The following GRAMD1C variants were observed in gnomAD, a reference collection of about 807,000 sequenced individuals.
GRAMD1C encodes the protein GRAM domain containing 1C.
GRAMD1C carries 89 observed loss-of-function variants against 97.8 expected under a neutral mutation model. The observed-to-expected ratio is 0.91, with a 90% CI of 0.77 to 1.09. The LOEUF (loss-of-function observed/expected upper bound fraction) is 1.09, where lower values mean the gene tolerates loss of function less well. Ranked by LOEUF, GRAMD1C falls within the 50% of genes least tolerant of loss-of-function variation. The pLI is 0.00. For synonymous variants in GRAMD1C, 256 were observed against 267.0 expected (o/e 0.96, Z 0.40); for missense variants, 740 against 766.4 (o/e 0.97, Z 0.41).
Position 113,895,361 on chromosome 3 carries a change from T to A in GRAMD1C, c.541-5670T>A, listed in dbSNP as rs979262437. Reference sequence around the variant, plus strand: ...TATCAGCTCGTGAGTGTGGCTTATATAAGTTGGCCTCCCTGAGCCAACTCT... The same window carrying A: ...TATCAGCTCGTGAGTGTGGCTTATAAAAGTTGGCCTCCCTGAGCCAACTCT... On this transcript the variant is annotated intron_variant, in intron 6 of 17. Coordinates refer to ENST00000358160, the MANE Select transcript of GRAMD1C (RefSeq NM_017577.5). Among the ~76,000 whole-genome samples, 2 of 152,176 alleles carry A rather than the reference T, an allele frequency of 1.3e-5. 1 individual carries two copies. The highest frequency in any genetic ancestry group is 2.9e-5 in the Non-Finnish European group (2 of 68,020).
At chr3:113,861,165 C>G (rs910003216) in intron 2 of GRAMD1C, among the ~76,000 whole-genome samples, 1 of 152,058 alleles carries the variant, frequency 6.6e-6, no homozygotes, top group Non-Finnish European at 1.5e-5. Context: ...TGGACCCTTA[C>G]TTCACACCAT....
chr3:113,875,562 G>A lies in GRAMD1C; in HGVS notation c.338G>A (p.Ser113Asn). 5 of 1,497,282 alleles carry A rather than the reference G, an allele frequency of 3.3e-6. No homozygotes were observed. The highest frequency in any genetic ancestry group is 4.7e-6 in the Non-Finnish European group (5 of 1,072,614). 92.7% of individuals were successfully genotyped at this position (1,497,282 alleles called of 1,614,324 possible). A position where few individuals can be genotyped will look rare whatever the true frequency, so the allele number is the denominator to read the frequency against. ...TCAGAAAACTGGCTATGTTTCTATA[G>A]CAACATCTTCAGATGGGAAACTACA... ...YLSENWLCFYSNIFRWETTIS... is the reference protein window; with the variant it reads ...YLSENWLCFYNNIFRWETTIS... The change falls in exon 4 of 18, where the codon AGC becomes AAC. Residue 113 changes from serine (S) to asparagine (N), a missense_variant. Ser to Asn is a conservative substitution (Grantham distance 46). Coordinates refer to ENST00000358160, the MANE Select transcript of GRAMD1C (RefSeq NM_017577.5).
At chr3:113,841,430 C>T (rs536444694) in intron 1 of GRAMD1C, among the ~76,000 whole-genome samples, 2 of 150,948 alleles carry the variant, frequency 1.3e-5, no homozygotes, top group East Asian at 2.0e-4. Flanking sequence ...GGATTACAGG[C>T]ACGTACCACC....
intron 6 of GRAMD1C, among the ~76,000 whole-genome samples, chr3:113,884,209 C>T (rs1935365470): frequency 1.3e-5 from 2 of 151,992 alleles, no homozygotes; most frequent in South Asian, 4.2e-4. Context: ...TATGCTAGGT[C>T]AAAAAACAGG....
Position 113,856,602 on chromosome 3 carries a change from C to T in GRAMD1C, c.174+11953C>T, listed in dbSNP as rs185332235. 2.4e-3 allele frequency among the ~76,000 whole-genome samples: 362 copies of T among 152,296 alleles called. 1 individual carries two copies. In the Middle Eastern group the frequency reaches 0.031, roughly 13 times the overall value. On this transcript the variant is annotated intron_variant, in intron 2 of 17. Coordinates refer to ENST00000358160, the MANE Select transcript of GRAMD1C (RefSeq NM_017577.5). ...TCGCCCAGGCGGGAGTGCAGTGGTG[C>T]GATCTCAGCTCACTGCAGCCTCCAC... is the stretch of plus-strand genomic sequence containing the variant.
chr3:113,872,391 C>CTTTTTTTTTTTTT (rs777339692), intron 3 of GRAMD1C, among the ~76,000 whole-genome samples: 218 of 117,402 alleles, frequency 1.9e-3, no homozygotes, highest in Middle Eastern at 4.7e-3. Context: ...TCTTTTTTTT[C>CTTTTTTTTTTTTT]TTTTTTTTTT....
At position 113,887,085 on chromosome 3, in the gene GRAMD1C, G is replaced by GTTTTTTTT. The variant is rs531763397; in HGVS notation, c.540+4256_540+4263dup. The stretch of plus-strand genomic sequence containing the variant: ...ATGAGCCACTGCGCCTGGCCTTTTT[G>GTTTTTTTT]TTTTTTTTTTGTTTTTTTTTTTTTT... On this transcript the variant is annotated intron_variant, in intron 6 of 17. Transcript: ENST00000358160. Among the ~76,000 whole-genome samples the GTTTTTTTT allele has an allele frequency of 7.1e-4, 51 of 71,438 alleles. 6 individuals are homozygous for GTTTTTTTT. The highest frequency in any genetic ancestry group is 7.7e-4 in the African/African-American group (17 of 22,178). 46.9% of individuals were successfully genotyped at this position (71,438 alleles called of 152,430 possible).
At position 113,838,876 on chromosome 3, in the gene GRAMD1C, G is replaced by C; in HGVS notation, c.-34G>C. The C allele has an allele frequency of 8.1e-7, 1 of 1,228,280 alleles. No individual in the cohort carries two copies. The highest frequency in any genetic ancestry group is 1.0e-6 in the Non-Finnish European group (1 of 983,896). The allele number at this position is 1,228,280 out of a possible 1,614,324, so 76.1% of individuals were successfully genotyped here. ...CGCGGGGCGGTGCGGTGCGGTGCGC[G>C]CGGGGCGGTGCCGCGGCGGCGGAGG... is the stretch of plus-strand genomic sequence containing the variant. On this transcript the variant is annotated 5_prime_UTR_variant, in exon 1 of 18. Transcript: ENST00000358160.
chr3:113,941,882 G>A (rs1447051807), intron 17 of GRAMD1C, among the ~76,000 whole-genome samples: 1 of 150,794 alleles, frequency 6.6e-6, no homozygotes, highest in Non-Finnish European at 1.5e-5. Flanking sequence ...GCCTCCCAAA[G>A]TGTTGGGATT....
At chr3:113,893,820 T>C (rs561103614) in intron 6 of GRAMD1C, among the ~76,000 whole-genome samples, 1 of 152,338 alleles carries the variant, frequency 6.6e-6, no homozygotes, top group South Asian at 2.1e-4. Flanking sequence ...TTTGAATGAC[T>C]CAATTTAGTA....
At chr3:113,869,225 G>A (rs182581430) in intron 2 of GRAMD1C, among the ~76,000 whole-genome samples, 511 of 152,120 alleles carry the variant, frequency 3.4e-3, no homozygotes, top group Non-Finnish European at 5.4e-3. Context: ...TCAGTTGATT[G>A]TATTGTATGC....
intron 5 of GRAMD1C, among the ~76,000 whole-genome samples, chr3:113,880,776 A>G (rs568743540): frequency 2.6e-5 from 4 of 152,218 alleles, no homozygotes; most frequent in African/African-American, 7.2e-5. Flanking sequence ...AAGATCCACT[A>G]TGATAATTAT....
At chr3:113,881,377 T>C (rs1379335909) in intron 5 of GRAMD1C, among the ~76,000 whole-genome samples, 3 of 152,180 alleles carry the variant, frequency 2.0e-5, no homozygotes, top group Non-Finnish European at 4.4e-5. Context: ...AGGCTGGCCT[T>C]GAGCTCCTGA....
intron 6 of GRAMD1C, among the ~76,000 whole-genome samples, chr3:113,892,065 A>G (rs533232226): frequency 6.6e-6 from 1 of 152,202 alleles, no homozygotes; most frequent in East Asian, 1.9e-4. Flanking sequence ...GTTTGTGTGC[A>G]TTTGTTTTAT....
At chr3:113,903,278 G>C (rs1936244089) in intron 7 of GRAMD1C, among the ~76,000 whole-genome samples, 1 of 152,070 alleles carries the variant, frequency 6.6e-6, no homozygotes. Flanking sequence ...CGGTCGGCCT[G>C]AATGCTTTCT....
intron 2 of GRAMD1C, chr3:113,850,424 G>A: frequency 8.8e-7 from 1 of 1,140,620 alleles, no homozygotes; most frequent in Non-Finnish European, 1.3e-6. Context: ...TTTAGGCCAA[G>A]GCCTGCCAGT....
intron 1 of GRAMD1C, among the ~76,000 whole-genome samples, chr3:113,831,465 T>A (rs903389023): frequency 6.6e-6 from 1 of 152,156 alleles, no homozygotes; most frequent in African/African-American, 2.4e-5. Flanking sequence ...GATCTTTATA[T>A]ATCAGTGCAT....
intron 9 of GRAMD1C, among the ~76,000 whole-genome samples, chr3:113,911,681 TTCTC>T (rs990988586): frequency 2.6e-4 from 39 of 150,816 alleles, no homozygotes; most frequent in African/African-American, 8.5e-4. Flanking sequence ...CTCTCTCTCT[TTCTC>T]TCTCTGTTTC....
intron 6 of GRAMD1C, among the ~76,000 whole-genome samples, chr3:113,899,546 A>G (rs893384327): frequency 2.0e-5 from 3 of 152,234 alleles, no homozygotes; most frequent in African/African-American, 7.2e-5. Flanking sequence ...AGTAACGCAC[A>G]TTTGTTAGGT....
Sources: allele counts gnomAD v4.1 joint callset (sites outside exome capture counted in the v4.1 genomes callset), GRCh38; gene constraint gnomAD v4.1.1; transcripts MANE v1.5; gene names NCBI Gene and HGNC (gene_info 2026-07-23, HGNC 2026-07-21).